Variants in SGCD observed in about 807,000 individuals in gnomAD.
SGCD encodes the protein sarcoglycan delta.
A neutral mutation model predicts 36.6 loss-of-function variants in SGCD; 18 were observed. The ratio of observed to expected loss-of-function variants is 0.49; its 90% CI spans 0.34 to 0.73. The LOEUF (loss-of-function observed/expected upper bound fraction) is 0.73. Among genes scored for constraint, SGCD ranks in the 30% least tolerant of loss-of-function variants. The probability of loss-of-function intolerance (pLI) is 0.01; values close to 1 mark genes in which losing one functional copy is unlikely to be tolerated. For synonymous variants in SGCD, 133 were observed against 130.6 expected (o/e 1.02, Z -0.12); for missense variants, 387 against 346.7 (o/e 1.12, Z -0.92).
the SGCD span, among the ~76,000 whole-genome samples, chr5:155,822,086 T>A: frequency 6.6e-6 from 1 of 152,302 alleles, no homozygotes; most frequent in South Asian, 2.1e-4. Flanking sequence ...ACAGAAATGA[T>A]TAAGTAGGTA....
chr5:156,590,621 T>C (rs10515739), intron 5 of SGCD, among the ~76,000 whole-genome samples: 3,129 of 152,292 alleles, frequency 0.021, 128 homozygotes, highest in East Asian at 0.17. Flanking sequence ...GGAACTTATT[T>C]AGCCTGTTGA....
At chr5:156,271,342 G>A (rs973081467) in intron 3 of SGCD, among the ~76,000 whole-genome samples, 8 of 151,972 alleles carry the variant, frequency 5.3e-5, no homozygotes, top group Non-Finnish European at 1.0e-4. Context: ...TGCAGTTTAT[G>A]GAAAAAAGTG....
intron 3 of SGCD, among the ~76,000 whole-genome samples, chr5:156,181,562 C>T (rs1763607254): frequency 6.6e-6 from 1 of 152,198 alleles, no homozygotes; most frequent in Non-Finnish European, 1.5e-5. Context: ...TCTTAAAGGT[C>T]AGGCTTTTCT....
intron 3 of SGCD, among the ~76,000 whole-genome samples, chr5:156,201,554 T>C (rs1004370681): frequency 3.9e-5 from 6 of 152,132 alleles, no homozygotes; most frequent in African/African-American, 9.7e-5. Flanking sequence ...AACCAGTTTA[T>C]GGCAAATTTG....
chr5:156,510,301 G>T (rs1469571619), intron 4 of SGCD, among the ~76,000 whole-genome samples: 1 of 152,186 alleles, frequency 6.6e-6, no homozygotes, highest in African/African-American at 2.4e-5. Flanking sequence ...ACCCTAGAAG[G>T]AGTAATGAGG....
At chr5:155,962,449 C>G (rs1399302185) in intron 1 of SGCD, among the ~76,000 whole-genome samples, 2 of 152,068 alleles carry the variant, frequency 1.3e-5, no homozygotes, top group African/African-American at 4.8e-5. Flanking sequence ...CTCGCATTGC[C>G]CTCGATTGGA....
chr5:156,563,170 T>G (rs999484715), intron 4 of SGCD, among the ~76,000 whole-genome samples: 1 of 152,022 alleles, frequency 6.6e-6, no homozygotes. Flanking sequence ...TTAGTAGAGA[T>G]GGGGTTTCAC....
chr5:156,074,499 T>G (rs1208405929), intron 1 of SGCD, among the ~76,000 whole-genome samples: 1 of 152,064 alleles, frequency 6.6e-6, no homozygotes, highest in African/African-American at 2.4e-5. Flanking sequence ...CTGGACAGCG[T>G]GGGGAAACCC....
intron 3 of SGCD, among the ~76,000 whole-genome samples, chr5:156,487,788 CAAAA>C (rs56006984): frequency 4.8e-5 from 2 of 41,390 alleles, no homozygotes; most frequent in East Asian, 9.2e-4. Context: ...ACTCTGTCAC[CAAAA>C]AAAAAAAAAA....
chr5:156,690,446 T>A (rs1754066121), intron 7 of SGCD, among the ~76,000 whole-genome samples: 1 of 151,790 alleles, frequency 6.6e-6, no homozygotes, highest in South Asian at 2.1e-4. Flanking sequence ...TAGAAAGAGG[T>A]GGTATAAGCT....
chr5:155,747,968 C>T, the SGCD span, among the ~76,000 whole-genome samples: 18 of 152,160 alleles, frequency 1.2e-4, no homozygotes, highest in African/African-American at 4.1e-4. Flanking sequence ...AAATCTGAAC[C>T]TGTCATTTTT....
At chr5:156,382,074 C>T (rs1245251245) in intron 3 of SGCD, among the ~76,000 whole-genome samples, 1 of 152,052 alleles carries the variant, frequency 6.6e-6, no homozygotes, top group Admixed American at 6.6e-5. Context: ...TTTATGGCTG[C>T]TCAACCAAAG....
the SGCD span, among the ~76,000 whole-genome samples, chr5:155,738,156 A>G: frequency 1.3e-5 from 2 of 152,192 alleles, no homozygotes; most frequent in South Asian, 2.1e-4. Context: ...CCAGTTTGCC[A>G]TACCCAATGT....
At chr5:156,223,296 T>C (rs1420015357) in intron 3 of SGCD, among the ~76,000 whole-genome samples, 2 of 152,026 alleles carry the variant, frequency 1.3e-5, no homozygotes, top group Non-Finnish European at 2.9e-5. Context: ...TAGAATTCTA[T>C]TAGATGATAG....
chr5:156,542,235 G>T (rs776649738), intron 4 of SGCD, among the ~76,000 whole-genome samples: 5 of 151,126 alleles, frequency 3.3e-5, no homozygotes, highest in Admixed American at 6.6e-5. Context: ...GGGTTTTTGT[G>T]GAGGAAGAAT....
chr5:156,239,220 C>G (rs148676726), intron 3 of SGCD, among the ~76,000 whole-genome samples: 1 of 151,638 alleles, frequency 6.6e-6, no homozygotes, highest in African/African-American at 2.4e-5. Flanking sequence ...ACCAACATGG[C>G]GAAACCCCAT....
At chr5:156,441,838 C>G (rs535692396) in intron 3 of SGCD, among the ~76,000 whole-genome samples, 3 of 152,182 alleles carry the variant, frequency 2.0e-5, no homozygotes, top group Non-Finnish European at 4.4e-5. Context: ...ATTTCATTTA[C>G]TTCCTGAGTG....
At chr5:156,577,971 A>G (rs1760054348) in intron 4 of SGCD, among the ~76,000 whole-genome samples, 1 of 152,212 alleles carries the variant, frequency 6.6e-6, no homozygotes, top group Non-Finnish European at 1.5e-5. Context: ...GAGTGGTGAG[A>G]GAGGGCATCC....
intron 3 of SGCD, among the ~76,000 whole-genome samples, chr5:156,449,967 G>GT (rs767456481): frequency 1.3e-5 from 2 of 152,012 alleles, no homozygotes; most frequent in Non-Finnish European, 2.9e-5. Flanking sequence ...AAGATGGATG[G>GT]TTATAGTCAT....
Sources: allele counts gnomAD v4.1 joint callset (sites outside exome capture counted in the v4.1 genomes callset), GRCh38; gene constraint gnomAD v4.1.1; transcripts MANE v1.5; gene names NCBI Gene and HGNC (gene_info 2026-07-23, HGNC 2026-07-21).